The following DPYSL2 variants were observed in gnomAD, a reference collection of about 807,000 sequenced individuals.
The protein encoded by DPYSL2 is dihydropyrimidinase-related protein 2.
DPYSL2 carries 13 observed loss-of-function variants against 69.9 expected under a neutral mutation model. The ratio of observed to expected loss-of-function variants is 0.19; its 90% confidence interval spans 0.12 to 0.30. The LOEUF is 0.30. Ranked by LOEUF, DPYSL2 falls within the 10% of genes least tolerant of loss-of-function variation. The pLI is 1.00. For missense variants in DPYSL2, 587 were observed against 918.9 expected (o/e 0.64, Z 4.67); for synonymous variants, 326 against 359.1 (o/e 0.91, Z 1.04).
intron 3 of DPYSL2, among the ~76,000 whole-genome samples, chr8:26,612,776 A>G (rs923880430): frequency 3.3e-5 from 5 of 152,242 alleles, no homozygotes; most frequent in East Asian, 1.9e-4. Flanking sequence ...GGTGACTGCT[A>G]TGCATAGAAA....
intron 1 of DPYSL2, among the ~76,000 whole-genome samples, chr8:26,579,221 CTTG>C (rs1801429423): frequency 6.6e-6 from 1 of 152,244 alleles, no homozygotes; most frequent in South Asian, 2.1e-4. Context: ...GGGGCCTGGA[CTTG>C]TTGGTTTGCA....
intron 3 of DPYSL2, 24 bp downstream of exon 3, chr8:26,584,007 T>A (rs1436181030): frequency 6.2e-7 from 1 of 1,605,520 alleles, no homozygotes; most frequent in African/African-American, 1.3e-5. Flanking sequence ...AAATCATCAT[T>A]GTAGTGCTTA....
chr8:26,553,368 T>C (rs201290181), intron 1 of DPYSL2, among the ~76,000 whole-genome samples: 1 of 152,038 alleles, frequency 6.6e-6, no homozygotes, highest in African/African-American at 2.4e-5. Flanking sequence ...TCTGATCCTC[T>C]CCCTCCTCCC....
chr8:26,555,878 A>G (rs1563384551), intron 1 of DPYSL2, among the ~76,000 whole-genome samples: 1 of 144,214 alleles, frequency 6.9e-6, no homozygotes, highest in Non-Finnish European at 1.5e-5. Context: ...AATTATATAT[A>G]TACTTGTATA....
intron 8 of DPYSL2, among the ~76,000 whole-genome samples, chr8:26,639,487 T>A (rs1241370351): frequency 6.6e-6 from 1 of 152,188 alleles, no homozygotes; most frequent in Non-Finnish European, 1.5e-5. Context: ...ATTCAGCCAC[T>A]GCCAGGATGA....
intron 1 of DPYSL2, among the ~76,000 whole-genome samples, chr8:26,520,306 A>G (rs1281902480): frequency 6.6e-6 from 1 of 152,176 alleles, no homozygotes; most frequent in Non-Finnish European, 1.5e-5. Context: ...ACTAATACAT[A>G]AAGCAACCTA....
chr8:26,579,593 G>A (rs73678815), intron 1 of DPYSL2, among the ~76,000 whole-genome samples: 3,739 of 152,276 alleles, frequency 0.025, 143 homozygotes, highest in African/African-American at 0.084. Flanking sequence ...TCCTCTCCGT[G>A]CACAAGGGCA....
chr8:26,647,704 C>T lies in DPYSL2; in HGVS notation c.1500C>T (p.Tyr500=), dbSNP rs1224655626. The T allele has an allele frequency of 3.1e-6, 5 of 1,614,040 alleles. No individual in the cohort carries two copies. The highest frequency in any genetic ancestry group is 4.2e-6 in the Non-Finnish European group (5 of 1,180,036). ...ATGCAGCCAAAGTCTTCAACCTTTACCCCCGGAAAGGCCGCATTGCTGTGG... is the reference window on the plus strand; with the variant it reads ...ATGCAGCCAAAGTCTTCAACCTTTATCCCCGGAAAGGCCGCATTGCTGTGG... The part of the protein sequence containing the change: ...STNAAKVFNL[Y]PRKGRIAVGS... Residue 500 remains tyrosine, a synonymous_variant, in exon 11 of 14, where the codon TAC becomes TAT. Coordinates refer to ENST00000521913, the MANE Select transcript of DPYSL2 (RefSeq NM_001197293.3). The surrounding 1 kb of genome is among the most constrained non-coding windows in gnomAD (Gnocchi z 5.1).
intron 1 of DPYSL2, among the ~76,000 whole-genome samples, chr8:26,579,147 G>A (rs542460221): frequency 5.3e-5 from 8 of 152,258 alleles, no homozygotes; most frequent in African/African-American, 9.6e-5. Flanking sequence ...GCGCGACGCG[G>A]GAGCAGATGG....
intron 1 of DPYSL2, among the ~76,000 whole-genome samples, chr8:26,579,640 TA>T (rs1277049721): frequency 9.9e-5 from 15 of 152,262 alleles, no homozygotes; most frequent in African/African-American, 3.6e-4. Flanking sequence ...AGCAAATGCA[TA>T]GGGGAGGGGG....
intron 1 of DPYSL2, among the ~76,000 whole-genome samples, chr8:26,532,406 CCTT>C (rs1279674075): frequency 6.6e-6 from 1 of 152,062 alleles, no homozygotes; most frequent in Non-Finnish European, 1.5e-5. Context: ...AAAATTTGCC[CCTT>C]TAAAGTGTAT....
chr8:26,582,032 A>G lies in DPYSL2; in HGVS notation c.418A>G (p.Ile140Val). Residue 140 changes from isoleucine to valine, a missense_variant, in exon 2 of 14, where the codon ATA becomes GTA. Physicochemically the swap from Ile to Val is conservative, Grantham distance 29 (BLOSUM62 3). Coordinates refer to ENST00000521913, the MANE Select transcript of DPYSL2 (RefSeq NM_001197293.3). This position sits in a 1 kb window ranked among gnomAD's most constrained non-coding sequence, Gnocchi z 4.1. The stretch of plus-strand genomic sequence containing the variant: ...TGATGACCAGTCGTTCTATGCAGAC[A>G]TATACATGGAAGATGGGTTGATCAA... Reference protein sequence around the residue: ...VNDDQSFYADIYMEDGLIKQI... With the variant: ...VNDDQSFYADVYMEDGLIKQI... The G allele has an allele frequency of 3.1e-6, 5 of 1,613,934 alleles. No homozygotes were observed. The highest frequency in any genetic ancestry group is 1.1e-5 in the South Asian group (1 of 91,084).
At chr8:26,638,371 G>T (rs1353317404) in intron 8 of DPYSL2, among the ~76,000 whole-genome samples, 3 of 152,358 alleles carry the variant, frequency 2.0e-5, no homozygotes, top group Admixed American at 2.0e-4. Flanking sequence ...GCCCTGGGAG[G>T]AGTAGTAATG....
At chr8:26,539,231 A>T (rs886692489) in intron 1 of DPYSL2, among the ~76,000 whole-genome samples, 13 of 152,238 alleles carry the variant, frequency 8.5e-5, no homozygotes, top group African/African-American at 2.9e-4. Flanking sequence ...GACAATCTGA[A>T]CTAATTTAGC....
intron 1 of DPYSL2, among the ~76,000 whole-genome samples, chr8:26,525,062 G>A (rs1808454988): frequency 6.6e-6 from 1 of 151,900 alleles, no homozygotes; most frequent in Non-Finnish European, 1.5e-5. Flanking sequence ...TTTTTAAACG[G>A]CTTTGATCTC....
intron 3 of DPYSL2, among the ~76,000 whole-genome samples, chr8:26,599,149 GA>G (rs1801935281): frequency 6.6e-6 from 1 of 152,220 alleles, no homozygotes. Context: ...CTTTTATGTA[GA>G]GGGGGAAAGT....
In DPYSL2 at chr8:26,514,176, G is replaced by C. The variant is rs913117360; in HGVS notation, c.-150G>C. The C allele has an allele frequency of 1.6e-6, 1 of 615,656 alleles. No homozygotes were observed. Among genetic ancestry groups the C allele is most frequent in the Non-Finnish European group, 2.4e-6 (1 of 411,564 alleles). 38.1% of individuals were successfully genotyped at this position (615,656 alleles called of 1,614,324 possible). ...GACCGGGAGGGTGGGTCGCCGGCTC[G>C]CCAGCCCTCCTTCCTTTCTGTGCAC... On this transcript the variant is annotated 5_prime_UTR_variant, in exon 1 of 14. Transcript: ENST00000521913. The surrounding 1 kb of genome is among the most constrained non-coding windows in gnomAD (Gnocchi z 8.4).
intron 1 of DPYSL2, among the ~76,000 whole-genome samples, chr8:26,549,104 A>G (rs1800830702): frequency 6.6e-6 from 1 of 151,554 alleles, no homozygotes; most frequent in African/African-American, 2.4e-5. Context: ...CAAGAGAATC[A>G]CTTGAACCCA....
chr8:26,558,160 A>G (rs1328724852), intron 1 of DPYSL2, among the ~76,000 whole-genome samples: 1 of 152,150 alleles, frequency 6.6e-6, no homozygotes, highest in African/African-American at 2.4e-5. Context: ...TAGCAGCTTT[A>G]TTCATGATTG....
Sources: gnomAD v4.1 joint callset for allele counts (sites outside exome capture counted in the v4.1 genomes callset) on GRCh38, gnomAD v4.1.1 for gene constraint, Gnocchi (gnomAD v3.1) non-coding constraint, MANE v1.5 for transcripts, NCBI Gene and HGNC (gene_info 2026-07-23, HGNC 2026-07-21) for gene names.